PCDHA5: variants seen among roughly 807,000 people sequenced by gnomAD.
PCDHA5 encodes the protein protocadherin alpha-5.
A neutral mutation model predicts 61.6 loss-of-function variants in PCDHA5; 43 were observed. The observed-to-expected ratio is 0.70, with a 90% CI of 0.55 to 0.90. PCDHA5 has a LOEUF of 0.90. Among genes scored for constraint, PCDHA5 ranks in the 40% least tolerant of loss-of-function variants. The pLI is 0.00. For synonymous variants in PCDHA5, 627 were observed against 543.9 expected, an observed-to-expected ratio of 1.15 and a Z score of -2.13; for missense variants, 1,298 against 1,222.7, an observed-to-expected ratio of 1.06 and a Z score of -0.92.
chr5:140,987,277 A>C (rs1326809190), intron 3 of PCDHA5, among the ~76,000 whole-genome samples: 2 of 152,122 alleles, frequency 1.3e-5, no homozygotes, highest in African/African-American at 4.8e-5. Flanking sequence ...CCGGCAGTCT[A>C]TGTTTTAACA....
At chr5:140,845,107 C>T (rs1420580197) in intron 1 of PCDHA5, among the ~76,000 whole-genome samples, 2 of 149,448 alleles carry the variant, frequency 1.3e-5, no homozygotes, top group East Asian at 1.9e-4. Flanking sequence ...CTCTTAATGC[C>T]TGTCCATGTT....
chr5:140,870,949 G>A (rs1554164920), intron 1 of PCDHA5: 2 of 1,613,686 alleles, frequency 1.2e-6, no homozygotes, highest in East Asian at 2.2e-5. Context: ...GGCGGCGGGC[G>A]GCTCGCGCAT....
At chr5:140,830,050 C>T in intron 1 of PCDHA5, 1 of 1,613,786 alleles carries the variant, frequency 6.2e-7, no homozygotes, top group Non-Finnish European at 8.5e-7. Flanking sequence ...TGGTGAAAGA[C>T]CACGGTGAGC....
At chr5:140,845,610 G>A (rs1779953371) in intron 1 of PCDHA5, among the ~76,000 whole-genome samples, 1 of 149,452 alleles carries the variant, frequency 6.7e-6, no homozygotes, top group Non-Finnish European at 1.5e-5. Context: ...ATTAAGTATT[G>A]TGGATTCTGA....
Position 140,982,458 on chromosome 5 carries a change from T to C in PCDHA5, c.2412-17T>C, listed in dbSNP as rs1554244201. 1 of 1,613,996 alleles carries C rather than the reference T, an allele frequency of 6.2e-7. No homozygotes were observed. Among genetic ancestry groups the C allele is most frequent in the Non-Finnish European group, 8.5e-7 (1 of 1,179,964 alleles). ...ATTTATGATCTAACCGTTATCTGGG[T>C]CTGTGTGTTTATTCAGCTCTGTGCA... On this transcript the variant is annotated splice_polypyrimidine_tract_variant and intron_variant, in intron 2 of 3. Transcript: ENST00000529859.
At chr5:141,008,211 G>A (rs1032443788) in intron 3 of PCDHA5, among the ~76,000 whole-genome samples, 6 of 152,168 alleles carry the variant, frequency 3.9e-5, no homozygotes, top group Admixed American at 2.0e-4. Context: ...AACTTGACAT[G>A]AGTTATGTTA....
At chr5:140,852,612 C>A (rs1177069451) in intron 1 of PCDHA5, 1 of 914,612 alleles carries the variant, frequency 1.1e-6, no homozygotes, top group Non-Finnish European at 1.3e-6. Flanking sequence ...TCTTTCAAAA[C>A]TTGAGTGGTC....
intron 1 of PCDHA5, among the ~76,000 whole-genome samples, chr5:140,945,754 G>T (rs1206591237): frequency 1.3e-5 from 2 of 152,078 alleles, no homozygotes; most frequent in African/African-American, 4.8e-5. Context: ...TTCAATAAAT[G>T]GTGGTGGGAC....
At chr5:140,882,016 A>C (rs1403488174) in intron 1 of PCDHA5, 1 of 543,846 alleles carries the variant, frequency 1.8e-6, no homozygotes, top group Non-Finnish European at 3.0e-6. Flanking sequence ...AAAAAATACT[A>C]CATCAATGGA....
At chr5:140,882,701 T>C in intron 1 of PCDHA5, 2 of 1,614,138 alleles carry the variant, frequency 1.2e-6, no homozygotes, top group South Asian at 1.1e-5. Context: ...CATTGCAGAA[T>C]CTAGACCTCC....
chr5:140,865,077 A>G (rs2048727264), intron 1 of PCDHA5: 1 of 152,246 alleles, frequency 6.6e-6, no homozygotes, highest in Non-Finnish European at 1.5e-5. Flanking sequence ...TATAAGAACC[A>G]TGGGATATTA....
chr5:140,855,827 A>G lies in PCDHA5; in HGVS notation c.2352+31700A>G. 2 of 557,722 alleles carry G rather than the reference A, an allele frequency of 3.6e-6. 1 individual carries two copies. Among genetic ancestry groups the G allele is most frequent in the South Asian group, 5.7e-5 (2 of 35,188 alleles). 34.5% of individuals were successfully genotyped at this position (557,722 alleles called of 1,614,324 possible). A position where few individuals can be genotyped will look rare whatever the true frequency, so the allele number is the denominator to read the frequency against. The stretch of plus-strand genomic sequence containing the variant: ...GAAAGAAAAGTTGTGAACTCATGGA[A>G]TCGTACTTACACCTAAAGCCACCGG... On this transcript the variant is annotated intron_variant, in intron 1 of 3. Coordinates refer to ENST00000529859, the MANE Select transcript of PCDHA5 (RefSeq NM_018908.3).
chr5:140,929,470 T>G (rs1554207109), intron 1 of PCDHA5: 3 of 1,296,742 alleles, frequency 2.3e-6, no homozygotes, highest in Admixed American at 2.9e-5. Context: ...CCAAGAAATC[T>G]GGAAGTATAG....
intron 1 of PCDHA5, among the ~76,000 whole-genome samples, chr5:140,921,330 C>T (rs1285696901): frequency 6.6e-6 from 1 of 152,026 alleles, no homozygotes; most frequent in Non-Finnish European, 1.5e-5. Flanking sequence ...TCTGTCTGGT[C>T]CAATCACATA....
intron 1 of PCDHA5, among the ~76,000 whole-genome samples, chr5:140,973,915 A>T (rs1401328396): frequency 2.0e-5 from 3 of 152,242 alleles, no homozygotes; most frequent in African/African-American, 7.2e-5. Context: ...CATTCCTGTC[A>T]CCAAACCCAG....
At chr5:140,875,761 G>C (rs373515339) in intron 1 of PCDHA5, 4 of 1,614,118 alleles carry the variant, frequency 2.5e-6, no homozygotes, top group East Asian at 4.5e-5. Context: ...GAAGCTGTGC[G>C]GGCGGAGCGC....
At chr5:140,825,397 ATAT>A (rs1768543114) in intron 1 of PCDHA5, 1 of 145,834 alleles carries the variant, frequency 6.9e-6, no homozygotes. Context: ...TATATCTAAT[ATAT>A]TATATATTTT....
chr5:140,872,729 A>T (rs578008508), intron 1 of PCDHA5, among the ~76,000 whole-genome samples: 15 of 152,366 alleles, frequency 9.8e-5, no homozygotes, highest in African/African-American at 3.6e-4. Flanking sequence ...AAATTATTCA[A>T]ATTATCTAAA....
At chr5:140,929,034 C>A in intron 1 of PCDHA5, 4 of 1,614,158 alleles carry the variant, frequency 2.5e-6, no homozygotes, top group Non-Finnish European at 3.4e-6. Flanking sequence ...CAGGCTGTTG[C>A]GCTCAGAGCT....
Sources: allele counts gnomAD v4.1 joint callset (sites outside exome capture counted in the v4.1 genomes callset), GRCh38; gene constraint gnomAD v4.1.1; transcripts MANE v1.5; gene names NCBI Gene and HGNC (gene_info 2026-07-23, HGNC 2026-07-21).